MCM9: variants seen among roughly 807,000 people sequenced by gnomAD.
MCM9 encodes the protein DNA helicase MCM9.
In MCM9, 55 loss-of-function variants were observed where a neutral mutation model predicts 72.8. The observed-to-expected ratio is 0.76, with a 90% CI of 0.61 to 0.95. MCM9 has a LOEUF of 0.95. MCM9 is among the 40% of genes least tolerant of loss of function. MCM9 has a pLI of 0.00. For synonymous variants in MCM9, 480 were observed against 503.4 expected (o/e 0.95, Z 0.62); for missense variants, 1,279 against 1,377.0 (o/e 0.93, Z 1.13).
intron 4 of MCM9, among the ~76,000 whole-genome samples, chr6:118,922,934 A>C (rs1248261506): frequency 6.6e-6 from 1 of 151,614 alleles, no homozygotes; most frequent in Non-Finnish European, 1.5e-5. Flanking sequence ...CGGGAGGCTA[A>C]GACAGGAGAA....
intron 8 of MCM9, among the ~76,000 whole-genome samples, chr6:118,895,323 C>T (rs1410219818): frequency 2.0e-5 from 3 of 152,140 alleles, no homozygotes; most frequent in East Asian, 1.9e-4. Context: ...GGACTCCTTT[C>T]CCCTAATGAC....
intron 9 of MCM9, among the ~76,000 whole-genome samples, chr6:118,844,029 T>G (rs925951508): frequency 2.6e-5 from 4 of 151,526 alleles, no homozygotes; most frequent in African/African-American, 9.8e-5. Flanking sequence ...ATTCCTATTG[T>G]AGGTGGAGAA....
chr6:118,935,061 C>T lies in MCM9; in HGVS notation c.-320G>A, dbSNP rs980776699. 1.7e-4 allele frequency: 26 copies of T among 152,062 alleles called. No individual in the cohort carries two copies. The highest frequency in any genetic ancestry group is 5.8e-4 in the African/African-American group (24 of 41,434). 9.4% of individuals were successfully genotyped at this position (152,062 alleles called of 1,614,324 possible). On this transcript the variant is annotated 5_prime_UTR_variant, in exon 1 of 14. Coordinates refer to ENST00000619706, the MANE Select transcript of MCM9 (RefSeq NM_017696.3). ...GGCCGCGGGGACGCGCGGGCTGTGTCGGGCGGCCTAGCGCCTGCGGCTCTG... is the reference window on the plus strand; with the variant it reads ...GGCCGCGGGGACGCGCGGGCTGTGTTGGGCGGCCTAGCGCCTGCGGCTCTG...
Position 118,886,146 on chromosome 6 carries a change from C to G in MCM9, c.1150+25504G>C, listed in dbSNP as rs1313814294. On this transcript the variant is annotated intron_variant, in intron 8 of 13. Transcript: ENST00000619706. ...ATTCAATACCCTTTCATGATAAAAA[C>G]ATTCAACAAACTAAGAACAAAAAGG... 2.7e-5 allele frequency among the ~76,000 whole-genome samples: 4 copies of G among 150,590 alleles called. No individual in the cohort carries two copies. The East Asian group carries it at 7.8e-4, about 29-fold the overall frequency.
At chr6:118,879,221 A>C (rs1340737935) in intron 8 of MCM9, among the ~76,000 whole-genome samples, 1 of 146,122 alleles carries the variant, frequency 6.8e-6, no homozygotes, top group African/African-American at 2.6e-5. Context: ...ACTTCATGAA[A>C]AGGCAAAGGT....
rs1773260057 is a variant in MCM9, at chr6:118,813,965, C to G, written c.*859G>C. ...CTGGAATACAGTGGTGTGACCACAG[C>G]TCACTGTAACCCCGAACTCCTGGGC... On this transcript the variant is annotated 3_prime_UTR_variant, in exon 14 of 14. Transcript: ENST00000619706. 1 of 152,212 alleles carries G rather than the reference C, an allele frequency of 6.6e-6. No homozygotes were observed. Among genetic ancestry groups the G allele is most frequent in the Non-Finnish European group, 1.5e-5 (1 of 68,096 alleles). 9.4% of individuals were successfully genotyped at this position (152,212 alleles called of 1,614,324 possible).
At position 118,923,831 on chromosome 6, in the gene MCM9, C is replaced by G. The variant is rs564467270; in HGVS notation, c.601G>C (p.Glu201Gln). The G allele has an allele frequency of 6.2e-7, 1 of 1,612,718 alleles. No homozygotes were observed. The highest frequency in any genetic ancestry group is 1.7e-5 in the Admixed American group (1 of 59,930). Residue 201 changes from glutamate (E) to glutamine (Q), a missense_variant, in exon 4 of 14, where the codon GAA becomes CAA. By Grantham distance (29) the Glu-to-Gln change is conservative. Coordinates refer to ENST00000619706, the MANE Select transcript of MCM9 (RefSeq NM_017696.3). ...SSPTRCRDYQ[E>Q]IKIQEQVQRL... Reference sequence around the variant, plus strand: ...TTTACCTGTTCCTGAATTTTGATTTCCTGGTAATCTCTACACCTGGTTGGA... The same window carrying G: ...TTTACCTGTTCCTGAATTTTGATTTGCTGGTAATCTCTACACCTGGTTGGA...
intron 13 of MCM9, among the ~76,000 whole-genome samples, chr6:118,823,500 T>C (rs1166290129): frequency 6.6e-6 from 1 of 152,198 alleles, no homozygotes; most frequent in Non-Finnish European, 1.5e-5. Flanking sequence ...GCCTTCTGCA[T>C]TGGTCTTGCT....
At chr6:118,861,818 T>G (rs762764838) in intron 8 of MCM9, among the ~76,000 whole-genome samples, 19 of 152,198 alleles carry the variant, frequency 1.2e-4, no homozygotes, top group African/African-American at 1.9e-4. Flanking sequence ...CCCTCAGGCT[T>G]CAGGCTGTCC....
rs201645708 is a variant in MCM9, at chr6:118,919,198, TA to T, written c.704-1438del. The T allele has an allele frequency of 1.8e-3, 270 of 152,344 alleles. 1 individual carries two copies. Among genetic ancestry groups the T allele is most frequent in the African/African-American group, 6.0e-3 (250 of 41,580 alleles). The allele number at this position is 152,344 out of a possible 1,614,324, so 9.4% of individuals were successfully genotyped here. On this transcript the variant is annotated intron_variant, in intron 5 of 13. Coordinates refer to ENST00000619706, the MANE Select transcript of MCM9 (RefSeq NM_017696.3). ...AAATGAGGAACTTAATGTTTAGATA[TA>T]TGACCCGTAAGTAATAATCTAATGT...
intron 8 of MCM9, among the ~76,000 whole-genome samples, chr6:118,867,866 C>CTT (rs1777317705): frequency 1.8e-5 from 2 of 113,514 alleles, no homozygotes; most frequent in African/African-American, 5.8e-5. Flanking sequence ...AATTATATTT[C>CTT]TTTTTTCTTT....
intron 9 of MCM9, among the ~76,000 whole-genome samples, chr6:118,830,814 G>A (rs1475304231): frequency 1.3e-5 from 2 of 152,132 alleles, no homozygotes; most frequent in African/African-American, 4.8e-5. Context: ...GCTGTACTGA[G>A]AATCCAAAAA....
chr6:118,866,446 C>T (rs1036764291), intron 8 of MCM9, among the ~76,000 whole-genome samples: 3 of 151,938 alleles, frequency 2.0e-5, no homozygotes, highest in African/African-American at 7.3e-5. Flanking sequence ...TCACCAGGGT[C>T]AACAGAGCAA....
chr6:118,830,996 G>C (rs1215733474), intron 9 of MCM9, among the ~76,000 whole-genome samples: 2 of 152,206 alleles, frequency 1.3e-5, no homozygotes, highest in Non-Finnish European at 2.9e-5. Flanking sequence ...ATCTATAGGG[G>C]ATATAATTGG....
At chr6:118,921,919 G>A in intron 5 of MCM9, 86 bp downstream of exon 5, 1 of 978,464 alleles carries the variant, frequency 1.0e-6, no homozygotes, top group South Asian at 1.6e-5. Context: ...CCTTGCCAGT[G>A]ATCTTGGGAA....
chr6:118,827,289 C>T (rs1774227718), intron 11 of MCM9, among the ~76,000 whole-genome samples: 1 of 152,006 alleles, frequency 6.6e-6, no homozygotes, highest in Non-Finnish European at 1.5e-5. Context: ...ATTTCTTGCC[C>T]TAATATTAGC....
intron 9 of MCM9, among the ~76,000 whole-genome samples, chr6:118,837,199 T>C (rs1775020697): frequency 6.6e-6 from 1 of 152,228 alleles, no homozygotes; most frequent in Admixed American, 6.5e-5. Context: ...AATCCTGAGT[T>C]CTAATTTGAT....
rs1297657246 is a variant in MCM9, at chr6:118,917,645, G to A, written c.820C>T (p.Gln274Ter). Reference protein sequence around the residue: ...KANYIQVNNEQSSGIIMDEEV... With the variant: ...KANYIQVNNE ...TCATCCATGATGATCCCTGAGGACT[G>A]CTCATTATTTACTTGGATGTAATTT... Residue 274 changes from glutamine to a stop codon, truncating the protein, a stop_gained, in exon 6 of 14, where the codon CAG (glutamine) becomes TAG (stop). Coordinates refer to ENST00000619706, the MANE Select transcript of MCM9 (RefSeq NM_017696.3). LOFTEE classifies it high-confidence loss of function. The A allele has an allele frequency of 5.6e-6, 9 of 1,614,006 alleles. No individual in the cohort carries two copies. The highest frequency in any genetic ancestry group is 7.6e-6 in the Non-Finnish European group (9 of 1,180,006).
rs149529563 is a variant in MCM9 at position 118,897,344 on chromosome 6, T to C, written c.1150+14306A>G. Among the ~76,000 whole-genome samples the C allele has an allele frequency of 7.4e-4, 113 of 152,188 alleles. No individual in the cohort carries two copies. In the Middle Eastern group the frequency reaches 0.014, roughly 18 times the overall value. On this transcript the variant is annotated intron_variant, in intron 8 of 13. Transcript: ENST00000619706. ...ATTTGGTTCTTTCTAATATAGGGCT[T>C]ATATCAAGGGTTAAGACAGCCTGAG...
Sources: gnomAD v4.1 joint callset for allele counts (sites outside exome capture counted in the v4.1 genomes callset) on GRCh38, gnomAD v4.1.1 for gene constraint, MANE v1.5 for transcripts, NCBI Gene and HGNC (gene_info 2026-07-23, HGNC 2026-07-21) for gene names.